Variants in COL23A1 observed in about 807,000 individuals in gnomAD.
COL23A1 encodes collagen alpha-1(XXIII) chain.
Under a neutral mutation model 99.3 loss-of-function variants are expected in COL23A1, and 97 were observed. The ratio of observed to expected loss-of-function variants is 0.98; its 90% CI spans 0.83 to 1.16. COL23A1 has a LOEUF of 1.16. Among genes scored for constraint, COL23A1 ranks in the 50% most tolerant of loss-of-function variants. The pLI is 0.00. For missense variants in COL23A1, 762 were observed against 757.4 expected, an observed-to-expected ratio of 1.01 and a Z score of -0.07; for synonymous variants, 320 against 308.2, an observed-to-expected ratio of 1.04 and a Z score of -0.40.
At chr5:178,523,298 G>A (rs192144465) in intron 2 of COL23A1, among the ~76,000 whole-genome samples, 2,495 of 145,098 alleles carry the variant, frequency 0.017, 36 homozygotes, top group Non-Finnish European at 0.026. Flanking sequence ...GTGGTGGTGC[G>A]CGCCCGTAAT....
In COL23A1 at chr5:178,583,829, G is replaced by A. The variant is rs149632992; in HGVS notation, c.294+6075C>T. Among the ~76,000 whole-genome samples the A allele has an allele frequency of 9.3e-4, 142 of 152,240 alleles. No homozygotes were observed. The Middle Eastern group carries it at 0.017, about 18-fold the overall frequency. ...CACAGACACTAGCCTGGACTTCTCC[G>A]TTACTCAAGCTAATTAATAACCCCC... On this transcript the variant is annotated intron_variant, in intron 1 of 28. Coordinates refer to ENST00000390654, the MANE Select transcript of COL23A1 (RefSeq NM_173465.4).
chr5:178,410,677 AAC>A (rs1765013069), intron 2 of COL23A1, among the ~76,000 whole-genome samples: 1 of 152,248 alleles, frequency 6.6e-6, no homozygotes, highest in South Asian at 2.1e-4. Flanking sequence ...CTTAGAAGAA[AAC>A]ACAGATAAAT....
intron 1 of COL23A1, chr5:178,562,557 A>T (rs1762630637): frequency 7.7e-6 from 1 of 129,720 alleles, no homozygotes; most frequent in Non-Finnish European, 1.6e-5. Context: ...CGTCTCAAAT[A>T]AAAAAAGAAA....
chr5:178,482,363 A>G (rs1272827072), intron 2 of COL23A1, among the ~76,000 whole-genome samples: 1 of 152,180 alleles, frequency 6.6e-6, no homozygotes, highest in Non-Finnish European at 1.5e-5. Context: ...CAGACACAAA[A>G]GGACAGATAT....
intron 1 of COL23A1, among the ~76,000 whole-genome samples, chr5:178,582,206 C>CAAAAAAAA (rs11315118): frequency 6.3e-5 from 2 of 31,624 alleles, no homozygotes; most frequent in African/African-American, 1.9e-4. Context: ...GACTCTATCT[C>CAAAAAAAA]AAAAAAAAAA....
intron 2 of COL23A1, among the ~76,000 whole-genome samples, chr5:178,347,895 AAACC>A (rs1561884131): frequency 2.3e-5 from 1 of 44,358 alleles, no homozygotes; most frequent in African/African-American, 1.1e-4. Flanking sequence ...AAAAAAAAAA[AAACC>A]CAAAAAAACA....
chr5:178,539,078 G>A (rs1348446304), intron 2 of COL23A1, among the ~76,000 whole-genome samples: 1 of 152,242 alleles, frequency 6.6e-6, no homozygotes, highest in Admixed American at 6.5e-5. Flanking sequence ...GTAGGAAGGG[G>A]CTTAGGGGTT....
chr5:178,494,980 C>T (rs150585106), intron 2 of COL23A1, among the ~76,000 whole-genome samples: 3,476 of 152,284 alleles, frequency 0.023, 47 homozygotes, highest in Non-Finnish European at 0.033. Context: ...ACAGAGTTTT[C>T]AGCCCCAATA....
At chr5:178,298,994 A>G (rs1757894099) in intron 3 of COL23A1, among the ~76,000 whole-genome samples, 1 of 152,180 alleles carries the variant, frequency 6.6e-6, no homozygotes, top group Admixed American at 6.5e-5. Flanking sequence ...TGGATATTAA[A>G]CCAACATTGA....
intron 2 of COL23A1, among the ~76,000 whole-genome samples, chr5:178,532,549 G>A (rs1760706711): frequency 6.6e-6 from 1 of 152,136 alleles, no homozygotes. Flanking sequence ...CAGGCGAGGG[G>A]CTATTACTGT....
chr5:178,269,426 T>TCCAC (rs1281909471), intron 6 of COL23A1, among the ~76,000 whole-genome samples: 2 of 58,752 alleles, frequency 3.4e-5, no homozygotes, highest in Admixed American at 1.9e-4. Context: ...CACCCGTCCA[T>TCCAC]CCACCCACCC....
chr5:178,493,234 C>G (rs915318699), intron 2 of COL23A1, among the ~76,000 whole-genome samples: 4 of 152,224 alleles, frequency 2.6e-5, no homozygotes, highest in Non-Finnish European at 4.4e-5. Flanking sequence ...ATCTCTTCCC[C>G]AGGCCATACA....
intron 1 of COL23A1, chr5:178,562,330 G>C: frequency 4.3e-6 from 1 of 233,608 alleles, no homozygotes; most frequent in Non-Finnish European, 8.7e-6. Context: ...CGAGGCCGGC[G>C]GATCACGAGG....
rs1000733660 is a variant in COL23A1 at position 178,384,224 on chromosome 5, T to G, written c.362-77305A>C. 6.6e-6 allele frequency among the ~76,000 whole-genome samples: 1 copy of G among 152,208 alleles called. No homozygotes were observed. The highest frequency in any genetic ancestry group is 2.4e-5 in the African/African-American group (1 of 41,456). On this transcript the variant is annotated intron_variant, in intron 2 of 28. Transcript: ENST00000390654. The surrounding 1 kb of genome is among the most constrained non-coding windows in gnomAD (Gnocchi z 5.5). ...AGAGCAGCGTGGAGCCAGACGCTGC[T>G]GCGAGCTGAGCTGCGATCGCAAATG...
chr5:178,249,714 A>ACTCTCTCTCTCT (rs1554125211), intron 18 of COL23A1, among the ~76,000 whole-genome samples: 3 of 116,314 alleles, frequency 2.6e-5, no homozygotes, highest in African/African-American at 9.9e-5. Context: ...ACACACACAC[A>ACTCTCTCTCTCT]CACTCTCTCT....
intron 2 of COL23A1, among the ~76,000 whole-genome samples, chr5:178,483,147 A>G (rs1356773739): frequency 6.6e-6 from 1 of 152,226 alleles, no homozygotes; most frequent in East Asian, 1.9e-4. Context: ...TAAAATGTGA[A>G]TAGGATAAAT....
At chr5:178,578,690 G>T in intron 1 of COL23A1, among the ~76,000 whole-genome samples, 1 of 138,724 alleles carries the variant, frequency 7.2e-6, no homozygotes, top group African/African-American at 2.8e-5. Context: ...AAAATTCCGT[G>T]GCTACATCAG....
chr5:178,583,855 T>A (rs544456955), intron 1 of COL23A1, among the ~76,000 whole-genome samples: 1 of 152,280 alleles, frequency 6.6e-6, no homozygotes, highest in East Asian at 1.9e-4. Flanking sequence ...AATAACCCCC[T>A]GCTTTCTCCC....
chr5:178,270,210 A>C (rs1756206512), intron 6 of COL23A1, 127 bp downstream of exon 6: 2 of 1,112,144 alleles, frequency 1.8e-6, no homozygotes, highest in East Asian at 2.5e-5. Context: ...TCTGACACCC[A>C]AAAGGCTTCT....
Sources: allele counts gnomAD v4.1 joint callset (sites outside exome capture counted in the v4.1 genomes callset), GRCh38; gene constraint gnomAD v4.1.1; non-coding constraint Gnocchi (gnomAD v3.1); transcripts MANE v1.5; gene names NCBI Gene and HGNC (gene_info 2026-07-23, HGNC 2026-07-21).